The following SRGAP3 variants were observed in gnomAD, a reference collection of about 807,000 sequenced individuals.
The protein encoded by SRGAP3 is SLIT-ROBO Rho GTPase activating protein 3.
A neutral mutation model predicts 121.1 loss-of-function variants in SRGAP3; 39 were observed. The ratio of observed to expected loss-of-function variants is 0.32; its 90% CI spans 0.25 to 0.42. The LOEUF (loss-of-function observed/expected upper bound fraction) is 0.42, where lower values mean the gene tolerates loss of function less well. SRGAP3 is among the 10% of genes least tolerant of loss of function. SRGAP3 has a pLI of 1.00. For missense variants in SRGAP3, 1,213 were observed against 1,470.6 expected (o/e 0.82, Z 2.86); for synonymous variants, 601 against 570.0 (o/e 1.05, Z -0.77).
chr3:9,346,189 A>G (rs1321426779), intron 1 of SRGAP3, among the ~76,000 whole-genome samples: 2 of 147,112 alleles, frequency 1.4e-5, no homozygotes, highest in Admixed American at 1.4e-4. Flanking sequence ...ATTTTCAAGG[A>G]TTTTTTTTTT....
intron 1 of SRGAP3, among the ~76,000 whole-genome samples, chr3:9,241,428 A>C (rs1953632160): frequency 6.6e-6 from 1 of 152,184 alleles, no homozygotes; most frequent in Non-Finnish European, 1.5e-5. Flanking sequence ...ATTTCCCCAG[A>C]CTGGGAGGGG....
chr3:9,312,629 G>A (rs1955267308), intron 3 of SRGAP3, among the ~76,000 whole-genome samples: 1 of 152,214 alleles, frequency 6.6e-6, no homozygotes, highest in African/African-American at 2.4e-5. Context: ...GAAATGAACT[G>A]ATGAGCATGG....
At chr3:9,149,226 A>G (rs1950129505) in intron 1 of SRGAP3, among the ~76,000 whole-genome samples, 1 of 151,776 alleles carries the variant, frequency 6.6e-6, no homozygotes, top group African/African-American at 2.4e-5. Flanking sequence ...AAAAAAAAAA[A>G]AAAAAGAAAA....
At chr3:9,331,228 A>C (rs889447935) in intron 1 of SRGAP3, among the ~76,000 whole-genome samples, 10 of 152,242 alleles carry the variant, frequency 6.6e-5, no homozygotes, top group African/African-American at 2.4e-4. Flanking sequence ...ATTAGCTATC[A>C]TTCATTTGAA....
intron 3 of SRGAP3, among the ~76,000 whole-genome samples, chr3:9,305,752 G>T (rs2648562): frequency 0.8 from 121,251 of 152,108 alleles, 48,594 homozygotes; most frequent in East Asian, 0.92. Context: ...TCCGTTTTTA[G>T]GGCTGCATAG....
chr3:9,311,069 C>A (rs1236956676), intron 3 of SRGAP3, among the ~76,000 whole-genome samples: 1 of 151,704 alleles, frequency 6.6e-6, no homozygotes, highest in Non-Finnish European at 1.5e-5. Context: ...ACTCGGAAGG[C>A]TGAGGTGGGA....
At chr3:9,328,267 C>T (rs1955550424) in intron 2 of SRGAP3, among the ~76,000 whole-genome samples, 1 of 152,052 alleles carries the variant, frequency 6.6e-6, no homozygotes, top group African/African-American at 2.4e-5. Flanking sequence ...ACATTACACA[C>T]AACACATATA....
chr3:9,259,757 T>C (rs759407806), intron 3 of SRGAP3, among the ~76,000 whole-genome samples: 23 of 152,032 alleles, frequency 1.5e-4, no homozygotes, highest in Admixed American at 3.3e-4. Context: ...CAGGTGGCCA[T>C]TGAGCACTTA....
At chr3:9,290,816 T>C (rs1180310775) in intron 3 of SRGAP3, among the ~76,000 whole-genome samples, 4 of 152,144 alleles carry the variant, frequency 2.6e-5, no homozygotes, top group African/African-American at 9.7e-5. Flanking sequence ...TCCTAACAGC[T>C]AATGAGACCA....
intron 20 of SRGAP3, chr3:8,992,532 G>C (rs767369045): frequency 1.0e-5 from 4 of 398,220 alleles, no homozygotes; most frequent in Non-Finnish European, 1.9e-5. Context: ...GAATATGTGA[G>C]CTTTACATTT....
intron 4 of SRGAP3, among the ~76,000 whole-genome samples, chr3:9,066,039 T>A (rs1397430320): frequency 2.0e-5 from 3 of 152,158 alleles, no homozygotes; most frequent in African/African-American, 7.2e-5. Context: ...GCTCAAGTGA[T>A]CCTCCTGCCT....
chr3:9,361,955 G>A (rs1288677501), intron 1 of SRGAP3, among the ~76,000 whole-genome samples: 2 of 152,070 alleles, frequency 1.3e-5, no homozygotes, highest in Non-Finnish European at 2.9e-5. Context: ...CCACAGAGAG[G>A]CATGAAGCTC....
intron 3 of SRGAP3, among the ~76,000 whole-genome samples, chr3:9,096,937 G>GTATATATA (rs58305278): frequency 2.3e-3 from 139 of 61,090 alleles, no homozygotes; most frequent in South Asian, 2.6e-3. Flanking sequence ...ACATTATTTT[G>GTATATATA]TATATATATA....
At chr3:9,028,717 T>C (rs1247993222) in intron 12 of SRGAP3, among the ~76,000 whole-genome samples, 4 of 152,180 alleles carry the variant, frequency 2.6e-5, no homozygotes, top group Non-Finnish European at 5.9e-5. Flanking sequence ...CCAAACAGCT[T>C]CCCATGTTTC....
intron 1 of SRGAP3, among the ~76,000 whole-genome samples, chr3:9,340,711 G>C (rs1471622835): frequency 6.6e-6 from 1 of 152,090 alleles, no homozygotes; most frequent in Non-Finnish European, 1.5e-5. Context: ...TGAGTACCCA[G>C]CCCCATTTCT....
At chr3:9,277,284 C>T (rs34516249) in intron 3 of SRGAP3, among the ~76,000 whole-genome samples, 23,066 of 151,978 alleles carry the variant, frequency 0.15, 2,062 homozygotes, top group South Asian at 0.22. Flanking sequence ...GATTTGCCCA[C>T]GGTTACTGCT....
At chr3:9,284,900 G>T (rs1574971451) in intron 3 of SRGAP3, among the ~76,000 whole-genome samples, 1 of 151,944 alleles carries the variant, frequency 6.6e-6, no homozygotes, top group East Asian at 1.9e-4. Context: ...AACTCCAGGG[G>T]TCTGTGGCAC....
chr3:8,999,067 T>C (rs1487307014), intron 18 of SRGAP3, among the ~76,000 whole-genome samples: 1 of 152,262 alleles, frequency 6.6e-6, no homozygotes, highest in Non-Finnish European at 1.5e-5. Context: ...CTGTGTTTGA[T>C]GCAATTCAAC....
chr3:9,067,771 C>T (rs868006302), intron 4 of SRGAP3, among the ~76,000 whole-genome samples: 7 of 151,860 alleles, frequency 4.6e-5, no homozygotes, highest in Non-Finnish European at 8.8e-5. Context: ...AACAAACCTG[C>T]GTGTCCTGCA....
Sources: gnomAD v4.1 joint callset for allele counts (sites outside exome capture counted in the v4.1 genomes callset) on GRCh38, gnomAD v4.1.1 for gene constraint, MANE v1.5 for transcripts, NCBI Gene and HGNC (gene_info 2026-07-23, HGNC 2026-07-21) for gene names.